PTPRM: variants seen among roughly 807,000 people sequenced by gnomAD.
PTPRM encodes the protein protein tyrosine phosphatase receptor type M.
In PTPRM, 47 loss-of-function variants were observed where a neutral mutation model predicts 186.7. The observed-to-expected ratio is 0.25, with a 90% CI of 0.20 to 0.32. PTPRM has a LOEUF of 0.32. PTPRM is among the 10% of genes least tolerant of loss of function. The pLI is 1.00. For synonymous variants in PTPRM, 668 were observed against 674.9 expected (o/e 0.99, Z 0.16); for missense variants, 1,494 against 1,865.0 (o/e 0.80, Z 3.66).
chr18:8,063,749 TA>T, intron 7 of PTPRM, among the ~76,000 whole-genome samples: 2 of 152,298 alleles, frequency 1.3e-5, no homozygotes, highest in Middle Eastern at 3.4e-3. Context: ...AAATTTAACT[TA>T]AAAAAATTCT....
At chr18:8,143,328 C>T (rs2092806377) in intron 13 of PTPRM, among the ~76,000 whole-genome samples, 1 of 151,644 alleles carries the variant, frequency 6.6e-6, no homozygotes, top group Non-Finnish European at 1.5e-5. Context: ...TTTTAAATGG[C>T]AGAAAGAGCA....
rs77765066 is a variant in PTPRM, at chr18:7,785,753, A to G, written c.196+11482A>G. Among the ~76,000 whole-genome samples, 5 of 152,354 alleles carry G rather than the reference A, an allele frequency of 3.3e-5. No homozygotes were observed. The East Asian group carries it at 7.7e-4, about 24-fold the overall frequency. On this transcript the variant is annotated intron_variant, in intron 2 of 32. Transcript: ENST00000580170. ...GAGCATATCGTGATGATCATTGGTCATTACTGGAGAGGTTTAGTAGAGCTG... is the reference window on the plus strand; with the variant it reads ...GAGCATATCGTGATGATCATTGGTCGTTACTGGAGAGGTTTAGTAGAGCTG...
intron 19 of PTPRM, among the ~76,000 whole-genome samples, chr18:8,273,403 A>G (rs376841834): frequency 1.2e-4 from 18 of 152,000 alleles, no homozygotes; most frequent in African/African-American, 3.1e-4. Context: ...TTTTCCCTCT[A>G]TGAATTGCAG....
intron 7 of PTPRM, among the ~76,000 whole-genome samples, chr18:7,961,448 G>A (rs1339866260): frequency 3.9e-5 from 6 of 152,272 alleles, no homozygotes; most frequent in Middle Eastern, 3.4e-3. Flanking sequence ...TCACGTGTGC[G>A]ATTGCACCTT....
chr18:8,035,998 A>G (rs1333636077), intron 7 of PTPRM, among the ~76,000 whole-genome samples: 2 of 152,204 alleles, frequency 1.3e-5, no homozygotes, highest in Non-Finnish European at 2.9e-5. Context: ...CCTCAGTAAG[A>G]ATGAGGTGTC....
chr18:7,815,952 T>C (rs1329868422), intron 2 of PTPRM, among the ~76,000 whole-genome samples: 2 of 152,228 alleles, frequency 1.3e-5, no homozygotes, highest in Non-Finnish European at 2.9e-5. Context: ...CATCAGCGTA[T>C]GTTCTGTCCT....
intron 1 of PTPRM, among the ~76,000 whole-genome samples, chr18:7,633,408 A>G (rs1235396384): frequency 6.6e-6 from 1 of 152,106 alleles, no homozygotes; most frequent in Non-Finnish European, 1.5e-5. Context: ...TCATTCAGCA[A>G]ATATTTCACA....
intron 13 of PTPRM, among the ~76,000 whole-genome samples, chr18:8,142,692 A>G (rs943651517): frequency 3.9e-5 from 6 of 152,236 alleles, no homozygotes; most frequent in African/African-American, 1.4e-4. Flanking sequence ...GAAAATTTGG[A>G]CATAAAATTC....
At chr18:7,699,522 C>A (rs993551805) in intron 1 of PTPRM, among the ~76,000 whole-genome samples, 6 of 152,224 alleles carry the variant, frequency 3.9e-5, no homozygotes, top group African/African-American at 1.4e-4. Context: ...GATTCTCCTG[C>A]CTCAGCCTCC....
intron 11 of PTPRM, among the ~76,000 whole-genome samples, chr18:8,110,788 G>A (rs1464869653): frequency 6.6e-6 from 1 of 152,182 alleles, no homozygotes; most frequent in Non-Finnish European, 1.5e-5. Context: ...AAGGAATTGA[G>A]GTCAAAGCCA....
In PTPRM at chr18:7,776,512, C is replaced by CTT. The variant is rs34343910; in HGVS notation, c.196+2251_196+2252dup. ...GAAAATACAGTTTTTCTTTTTCTTT[C>CTT]TTTTTTTTTTTACTACTCATTAAAC... On this transcript the variant is annotated intron_variant, in intron 2 of 32. Coordinates refer to ENST00000580170, the MANE Select transcript of PTPRM (RefSeq NM_001105244.2). Among the ~76,000 whole-genome samples the CTT allele has an allele frequency of 9.5e-3, 1,387 of 146,056 alleles. 23 individuals carry two copies. Among genetic ancestry groups the CTT allele is most frequent in the African/African-American group, 0.033 (1,329 of 40,462 alleles).
chr18:7,995,132 A>G (rs953468962), intron 7 of PTPRM, among the ~76,000 whole-genome samples: 4 of 152,288 alleles, frequency 2.6e-5, no homozygotes, highest in Non-Finnish European at 5.9e-5. Context: ...AGACATTACA[A>G]TTGATACCAC....
rs540672104 is a variant in PTPRM, at chr18:7,655,561, A to G, written c.73+87670A>G. Among the ~76,000 whole-genome samples the G allele has an allele frequency of 2.6e-4, 40 of 152,346 alleles. No homozygotes were observed. In the South Asian group the frequency reaches 8.1e-3, roughly 31 times the overall value. On this transcript the variant is annotated intron_variant, in intron 1 of 32. Transcript: ENST00000580170. ...GCAATTCTGCTCCTAAGTTTTTGTC[A>G]AAAACATATGTTCACATAAAAATCT...
chr18:7,692,551 A>T (rs1411802307), intron 1 of PTPRM, among the ~76,000 whole-genome samples: 3 of 152,198 alleles, frequency 2.0e-5, no homozygotes, highest in Non-Finnish European at 4.4e-5. Context: ...CTTTAATGGT[A>T]TTATTAAGGG....
intron 14 of PTPRM, among the ~76,000 whole-genome samples, chr18:8,157,855 G>A (rs958979205): frequency 6.6e-6 from 1 of 152,180 alleles, no homozygotes; most frequent in South Asian, 2.1e-4. Flanking sequence ...GCAGCAAGGT[G>A]CCAAGTGGTC....
intron 1 of PTPRM, among the ~76,000 whole-genome samples, chr18:7,708,638 G>GA (rs1218382814): frequency 1.3e-5 from 2 of 151,400 alleles, no homozygotes; most frequent in African/African-American, 4.8e-5. Flanking sequence ...CCAGGGAGAG[G>GA]AAAAAAAACA....
At chr18:7,966,713 G>A (rs957491350) in intron 7 of PTPRM, among the ~76,000 whole-genome samples, 1 of 146,142 alleles carries the variant, frequency 6.8e-6, no homozygotes, top group African/African-American at 2.5e-5. Context: ...CTGGAAAATC[G>A]GGTCACTCCC....
intron 23 of PTPRM, among the ~76,000 whole-genome samples, chr18:8,355,984 C>T (rs2095561379): frequency 6.6e-6 from 1 of 152,206 alleles, no homozygotes; most frequent in South Asian, 2.1e-4. Flanking sequence ...GGTTCATGTG[C>T]TCATCCCTCG....
chr18:7,734,217 C>G (rs932334154), intron 1 of PTPRM, among the ~76,000 whole-genome samples: 3 of 152,136 alleles, frequency 2.0e-5, no homozygotes, highest in African/African-American at 7.2e-5. Context: ...CGACAGAGAT[C>G]AAGCACCCCA....
Sources: gnomAD v4.1 joint callset for allele counts (sites outside exome capture counted in the v4.1 genomes callset) on GRCh38, gnomAD v4.1.1 for gene constraint, MANE v1.5 for transcripts, NCBI Gene and HGNC (gene_info 2026-07-23, HGNC 2026-07-21) for gene names.